ASCC1: variants seen among roughly 807,000 people sequenced by gnomAD.
ASCC1 encodes the protein ASC-1 complex subunit P50.
In ASCC1, 35 loss-of-function variants were observed where a neutral mutation model predicts 46.6. The observed-to-expected ratio is 0.75, with a 90% CI of 0.57 to 0.99. ASCC1 has a LOEUF of 0.99. Ranked by LOEUF, ASCC1 falls within the 50% of genes least tolerant of loss-of-function variation. The pLI, the probability that ASCC1 is intolerant of heterozygous loss-of-function variation, is 0.00. For missense variants in ASCC1, 376 were observed against 428.7 expected (o/e 0.88, Z 1.09); for synonymous variants, 143 against 146.6 (o/e 0.98, Z 0.18).
chr10:72,171,797 C>T (rs1046582639), intron 5 of ASCC1, among the ~76,000 whole-genome samples: 4 of 152,186 alleles, frequency 2.6e-5, no homozygotes, highest in Non-Finnish European at 5.9e-5. Flanking sequence ...AGGTAATAGT[C>T]ACCGGTTTTG....
At chr10:72,184,146 A>AAAAT (rs992633142) in intron 5 of ASCC1, among the ~76,000 whole-genome samples, 7 of 152,032 alleles carry the variant, frequency 4.6e-5, no homozygotes, top group Non-Finnish European at 7.4e-5. Context: ...TCCATCTCAA[A>AAAAT]AAATAAATAA....
chr10:72,102,542 A>G, intron 9 of ASCC1: 1 of 707,888 alleles, frequency 1.4e-6, no homozygotes, highest in South Asian at 1.6e-5. Flanking sequence ...TTGCAAATAC[A>G]TGTATTTCCT....
At chr10:72,151,165 T>C (rs1848274567) in intron 7 of ASCC1, among the ~76,000 whole-genome samples, 1 of 152,218 alleles carries the variant, frequency 6.6e-6, no homozygotes, top group Admixed American at 6.5e-5. Flanking sequence ...ATTGTGGCAC[T>C]ATTCACAATA....
chr10:72,172,423 A>G (rs901104574), intron 5 of ASCC1, among the ~76,000 whole-genome samples: 33 of 149,236 alleles, frequency 2.2e-4, no homozygotes, highest in East Asian at 1.4e-3. Context: ...TCAAAAAAAA[A>G]AAAAAAAAAA....
At chr10:72,195,625 G>A (rs1162690446) in intron 5 of ASCC1, among the ~76,000 whole-genome samples, 5 of 151,080 alleles carry the variant, frequency 3.3e-5, no homozygotes, top group Admixed American at 2.7e-4. Context: ...GAAGTCAGGA[G>A]TTCGAGACTG....
At chr10:72,195,759 G>A (rs1036875147) in intron 5 of ASCC1, among the ~76,000 whole-genome samples, 9 of 151,216 alleles carry the variant, frequency 6.0e-5, no homozygotes, top group Non-Finnish European at 1.0e-4. Flanking sequence ...GCTTGAACCC[G>A]GGATGCAGAG....
chr10:72,202,767 C>T (rs1351726351), intron 4 of ASCC1, among the ~76,000 whole-genome samples: 1 of 152,120 alleles, frequency 6.6e-6, no homozygotes, highest in Non-Finnish European at 1.5e-5. Context: ...ATTTTATATT[C>T]ACTGATCTCA....
At chr10:72,180,202 C>T (rs1852394421) in intron 5 of ASCC1, among the ~76,000 whole-genome samples, 1 of 151,866 alleles carries the variant, frequency 6.6e-6, no homozygotes, top group Non-Finnish European at 1.5e-5. Flanking sequence ...CTGCTTGAAC[C>T]CAGGGAGCAG....
intron 7 of ASCC1, among the ~76,000 whole-genome samples, chr10:72,138,571 T>A (rs1419261953): frequency 6.6e-6 from 1 of 151,592 alleles, no homozygotes; most frequent in East Asian, 1.9e-4. Flanking sequence ...ACAGGCAGCC[T>A]GTGCTGTTTC....
chr10:72,147,967 A>G (rs1719786771), intron 7 of ASCC1, among the ~76,000 whole-genome samples: 1 of 152,232 alleles, frequency 6.6e-6, no homozygotes, highest in South Asian at 2.1e-4. Flanking sequence ...AACTATTTTT[A>G]TAATATTTAT....
chr10:72,175,832 T>C (rs1170403177), intron 5 of ASCC1, among the ~76,000 whole-genome samples: 1 of 152,220 alleles, frequency 6.6e-6, no homozygotes, highest in Non-Finnish European at 1.5e-5. Flanking sequence ...GCAAGGCATC[T>C]ACTCAACTTA....
intron 7 of ASCC1, among the ~76,000 whole-genome samples, chr10:72,141,227 C>T (rs1405269194): frequency 6.6e-6 from 1 of 152,120 alleles, no homozygotes; most frequent in Non-Finnish European, 1.5e-5. Flanking sequence ...TCTTCTATTG[C>T]TCTCTCTTCC....
intron 9 of ASCC1, among the ~76,000 whole-genome samples, chr10:72,118,111 T>C (rs1843708443): frequency 6.6e-6 from 1 of 152,218 alleles, no homozygotes; most frequent in Non-Finnish European, 1.5e-5. Flanking sequence ...CTCACGCCTG[T>C]AATCCCAGCA....
chr10:72,203,158 T>C (rs189147145), intron 4 of ASCC1, among the ~76,000 whole-genome samples: 24 of 151,968 alleles, frequency 1.6e-4, no homozygotes, highest in Non-Finnish European at 2.5e-4. Flanking sequence ...TGGTGGCACA[T>C]GCCTGTAATC....
intron 9 of ASCC1, among the ~76,000 whole-genome samples, chr10:72,113,443 T>C (rs577483874): frequency 2.0e-5 from 3 of 152,236 alleles, no homozygotes; most frequent in Non-Finnish European, 2.9e-5. Context: ...CAAAAATCAG[T>C]CAATTTCTTG....
intron 7 of ASCC1, among the ~76,000 whole-genome samples, chr10:72,141,413 T>C (rs1368296203): frequency 2.6e-5 from 4 of 152,204 alleles, no homozygotes; most frequent in Non-Finnish European, 5.9e-5. Context: ...CCATTTAGAC[T>C]GCCGCCAGTA....
At chr10:72,155,639 T>C (rs1290239533) in intron 6 of ASCC1, among the ~76,000 whole-genome samples, 1 of 152,208 alleles carries the variant, frequency 6.6e-6, no homozygotes, top group Non-Finnish European at 1.5e-5. Flanking sequence ...CAAAATGATA[T>C]TTTATTTTTG....
chr10:72,161,633 C>A lies in ASCC1; in HGVS notation c.531G>T (p.Lys177Asn), dbSNP rs1299239064. 1.2e-6 allele frequency: 2 copies of A among 1,614,144 alleles called. No individual in the cohort carries two copies. The highest frequency in any genetic ancestry group is 3.3e-5 in the Admixed American group (2 of 60,008). The change falls in exon 6 of 10, where the codon AAG becomes AAT. Residue 177 changes from lysine to asparagine, a missense_variant. Lys to Asn is a moderately conservative substitution (Grantham distance 94). Coordinates refer to ENST00000672957, the MANE Select transcript of ASCC1 (RefSeq NM_001198800.3). Reference protein sequence around the residue: ...VDSSIFQNPKKLHLTIGMLVL... With the variant: ...VDSSIFQNPKNLHLTIGMLVL... ...CCAACATCCCAATAGTTAGATGAAG[C>A]TTTTTAGGATTCTGGAAAATGCTGC...
intron 4 of ASCC1, among the ~76,000 whole-genome samples, chr10:72,200,664 C>CAAA (rs1038037776): frequency 2.0e-5 from 2 of 99,018 alleles, no homozygotes; most frequent in African/African-American, 6.0e-5. Flanking sequence ...AACTCCATCT[C>CAAA]AAAAAAAAAA....
Sources: allele counts gnomAD v4.1 joint callset (sites outside exome capture counted in the v4.1 genomes callset), GRCh38; gene constraint gnomAD v4.1.1; transcripts MANE v1.5; gene names NCBI Gene and HGNC (gene_info 2026-07-23, HGNC 2026-07-21).